Variants in PCSK6 observed in about 807,000 individuals in gnomAD.
PCSK6 encodes paired basic amino acid cleaving enzyme 4.
A neutral mutation model predicts 123.3 loss-of-function variants in PCSK6; 85 were observed. The observed-to-expected ratio is 0.69, with a 90% CI of 0.58 to 0.83. PCSK6 has a LOEUF of 0.83. PCSK6 is among the 40% of genes least tolerant of loss of function. The probability of loss-of-function intolerance (pLI) is 0.00; values close to 1 mark genes in which losing one functional copy is unlikely to be tolerated. For synonymous variants in PCSK6, 508 were observed against 516.0 expected (o/e 0.98, Z 0.21); for missense variants, 1,191 against 1,282.3 (o/e 0.93, Z 1.09).
At position 101,304,239 on chromosome 15, in the gene PCSK6, T is replaced by C. The variant is rs1052282881; in HGVS notation, c.*1019A>G. On this transcript the variant is annotated 3_prime_UTR_variant, in exon 22 of 22. Transcript: ENST00000611716. ...GGTAAAAATTAGAACATGTAGCTTA[T>C]AAAATGCCTACACAGGTTTGGCAGA... 6.6e-5 allele frequency: 10 copies of C among 152,584 alleles called. No homozygotes were observed. The highest frequency in any genetic ancestry group is 2.4e-4 in the African/African-American group (10 of 41,460). The allele number at this position is 152,584 out of a possible 1,614,324, so 9.5% of individuals were successfully genotyped here.
rs140078930 is a variant in PCSK6 at position 101,349,747 on chromosome 15, A to G, written c.1858+16449T>C. Among the ~76,000 whole-genome samples the G allele has an allele frequency of 5.2e-4, 79 of 152,280 alleles. 1 individual carries two copies. The highest frequency in any genetic ancestry group is 1.8e-3 in the African/African-American group (75 of 41,558). On this transcript the variant is annotated intron_variant, in intron 13 of 21. Transcript: ENST00000611716. ...CACCGGTGCAGCCAGCGTGGGACCC[A>G]GGCTCCTCTGCCCCTGCATTCCCGT...
chr15:101,438,789 G>A (rs2056674800), intron 2 of PCSK6, among the ~76,000 whole-genome samples: 1 of 152,172 alleles, frequency 6.6e-6, no homozygotes, highest in South Asian at 2.1e-4. Context: ...CCTACTCTAG[G>A]GCCAGATCTA....
intron 12 of PCSK6, 54 bp from the exon 13 acceptor site, chr15:101,366,386 G>T: frequency 6.4e-7 from 1 of 1,564,004 alleles, no homozygotes; most frequent in South Asian, 1.2e-5. Flanking sequence ...GAGTGGCTGG[G>T]CGGAGGGGCT....
chr15:101,341,950 C>T (rs764929551), intron 13 of PCSK6, among the ~76,000 whole-genome samples: 3 of 151,830 alleles, frequency 2.0e-5, no homozygotes, highest in Admixed American at 6.6e-5. Flanking sequence ...GCCAACATGG[C>T]GAAAACCTGT....
chr15:101,365,993 G>C (rs2041375408), intron 13 of PCSK6: 1 of 504,310 alleles, frequency 2.0e-6, no homozygotes, highest in Non-Finnish European at 3.4e-6. Context: ...TAGTGCTGAC[G>C]TTTACATGAC....
intron 13 of PCSK6, among the ~76,000 whole-genome samples, chr15:101,349,922 A>AT (rs1217846236): frequency 7.3e-5 from 11 of 150,528 alleles, no homozygotes; most frequent in Non-Finnish European, 8.9e-5. Context: ...TTTTATTTTT[A>AT]TTTTTTCTGA....
At chr15:101,407,688 A>G (rs1358715506) in intron 6 of PCSK6, among the ~76,000 whole-genome samples, 1 of 152,038 alleles carries the variant, frequency 6.6e-6, no homozygotes, top group Non-Finnish European at 1.5e-5. Flanking sequence ...TCCCACAGAA[A>G]CCACCACAAG....
rs1331839545 is a variant in PCSK6, at chr15:101,324,907, G to C, written c.2320C>G (p.His774Asp). The change falls in exon 17 of 22, where the codon CAC (histidine) becomes GAC (aspartate). Residue 774 changes from histidine to aspartate, a missense_variant. By Grantham distance (81) the His-to-Asp change is moderately conservative (BLOSUM62 -1). Transcript: ENST00000611716. ...GTCACACAGGTGTTCATCTCCTGGT[G>C]GTGATAGAACCCGCGGCGGCAAGAC... ...CLSCRRGFYHHQEMNTCVTLC... is the reference protein window; with the variant it reads ...CLSCRRGFYHDQEMNTCVTLC... 4 of 1,613,666 alleles carry C rather than the reference G, an allele frequency of 2.5e-6. No individual in the cohort carries two copies. The highest frequency in any genetic ancestry group is 1.6e-4 in the Middle Eastern group (1 of 6,062).
chr15:101,374,345 C>A (rs952642617), intron 11 of PCSK6, among the ~76,000 whole-genome samples: 2 of 152,090 alleles, frequency 1.3e-5, no homozygotes, highest in Non-Finnish European at 2.9e-5. Flanking sequence ...TTCAAGTAAC[C>A]GAGTGCCAGG....
chr15:101,318,743 T>C (rs1378152552), intron 18 of PCSK6, among the ~76,000 whole-genome samples: 1 of 152,240 alleles, frequency 6.6e-6, no homozygotes, highest in Non-Finnish European at 1.5e-5. Context: ...AGTGGAGCTG[T>C]GTGGGTCATC....
At chr15:101,454,889 G>A (rs2057134984) in intron 1 of PCSK6, among the ~76,000 whole-genome samples, 1 of 152,022 alleles carries the variant, frequency 6.6e-6, no homozygotes, top group Non-Finnish European at 1.5e-5. Context: ...AGGTTGCAGT[G>A]AGCCAAGATC....
Position 101,316,910 on chromosome 15 carries a change from G to GTTTTTT in PCSK6, c.2569+1403_2569+1408dup, listed in dbSNP as rs57613156. 1.2e-3 allele frequency among the ~76,000 whole-genome samples: 137 copies of GTTTTTT among 114,920 alleles called. 16 individuals carry two copies. The highest frequency in any genetic ancestry group is 4.8e-3 in the African/African-American group (121 of 25,372). 75.4% of individuals were successfully genotyped at this position (114,920 alleles called of 152,430 possible). A position where few individuals can be genotyped will look rare whatever the true frequency, so the allele number is the denominator to read the frequency against. ...ACTGGTTTAGCAGAGACTTAATTCT[G>GTTTTTT]TTTTTTTTTTTTTTTTTTTGACAGA... On this transcript the variant is annotated intron_variant, in intron 19 of 21. Transcript: ENST00000611716.
intron 1 of PCSK6, chr15:101,462,916 G>A (rs2057371067): frequency 4.6e-6 from 2 of 434,864 alleles, no homozygotes; most frequent in East Asian, 7.1e-5. Flanking sequence ...GCCCAAGTCT[G>A]TGGAGAAAGG....
At chr15:101,477,165 G>A (rs2057752746) in intron 1 of PCSK6, among the ~76,000 whole-genome samples, 1 of 152,180 alleles carries the variant, frequency 6.6e-6, no homozygotes, top group African/African-American at 2.4e-5. Context: ...CGCCATAGAA[G>A]ACTTATTGAC....
At chr15:101,337,904 C>T (rs776525461) in intron 13 of PCSK6, among the ~76,000 whole-genome samples, 3 of 152,144 alleles carry the variant, frequency 2.0e-5, no homozygotes, top group Admixed American at 6.5e-5. Flanking sequence ...TATGACAGAA[C>T]GTTTAGTCCA....
intron 1 of PCSK6, among the ~76,000 whole-genome samples, chr15:101,452,908 G>C (rs924265686): frequency 7.2e-5 from 11 of 152,212 alleles, no homozygotes; most frequent in African/African-American, 2.7e-4. Context: ...GGCTGGCGGG[G>C]CCGGGGTCAC....
chr15:101,435,979 G>T (rs1320569621), intron 2 of PCSK6, among the ~76,000 whole-genome samples: 1 of 152,200 alleles, frequency 6.6e-6, no homozygotes, highest in African/African-American at 2.4e-5. Flanking sequence ...GGCCACAGGT[G>T]GGCCAGAAGC....
chr15:101,354,255 T>C (rs11858185), intron 13 of PCSK6, among the ~76,000 whole-genome samples: 2,916 of 152,166 alleles, frequency 0.019, 95 homozygotes, highest in African/African-American at 0.067. Context: ...TATACACACA[T>C]ACATATCCAC....
chr15:101,349,083 C>A (rs2141405465), intron 13 of PCSK6, among the ~76,000 whole-genome samples: 1 of 152,294 alleles, frequency 6.6e-6, no homozygotes, highest in Middle Eastern at 3.4e-3. Flanking sequence ...AGGACAGAAC[C>A]AAAGCTGGGA....
Sources: gnomAD v4.1 joint callset for allele counts (sites outside exome capture counted in the v4.1 genomes callset) on GRCh38, gnomAD v4.1.1 for gene constraint, MANE v1.5 for transcripts, NCBI Gene and HGNC (gene_info 2026-07-23, HGNC 2026-07-21) for gene names.